Variants in MYO10 observed in about 807,000 individuals in gnomAD.
MYO10 encodes myosin X, also known as unconventional myosin-X.
A neutral mutation model predicts 257.3 loss-of-function variants in MYO10; 133 were observed. The observed-to-expected ratio is 0.52, with a 90% CI of 0.45 to 0.60. MYO10 has a LOEUF of 0.60. Among genes scored for constraint, MYO10 ranks in the 20% least tolerant of loss-of-function variants. The probability of loss-of-function intolerance (pLI) is 0.00; values close to 1 mark genes in which losing one functional copy is unlikely to be tolerated. For synonymous variants in MYO10, 1,104 were observed against 1,028.6 expected, an observed-to-expected ratio of 1.07 and a Z score of -1.40; for missense variants, 2,399 against 2,635.7, an observed-to-expected ratio of 0.91 and a Z score of 1.97.
rs192306314 is a variant in MYO10, at chr5:16,900,460, C to T, written c.22-22753G>A. Among the ~76,000 whole-genome samples the T allele has an allele frequency of 2.9e-3, 435 of 152,242 alleles. 1 individual carries two copies. The highest frequency in any genetic ancestry group is 4.4e-3 in the Non-Finnish European group (297 of 68,014). On this transcript the variant is annotated intron_variant, in intron 1 of 40. Transcript: ENST00000513610. ...AACAGAGAAAAAAACTACCCTGGAACCTAGAATGTGACAGGTCTGAAGACT... is the reference window on the plus strand; with the variant it reads ...AACAGAGAAAAAAACTACCCTGGAATCTAGAATGTGACAGGTCTGAAGACT...
intron 19 of MYO10, among the ~76,000 whole-genome samples, chr5:16,716,810 C>CA (rs1738895296): frequency 6.6e-6 from 1 of 151,938 alleles, no homozygotes; most frequent in African/African-American, 2.4e-5. Context: ...ATTAGGAAGG[C>CA]AAAATGACTT....
chr5:16,753,767 G>A (rs1386862278), intron 19 of MYO10, among the ~76,000 whole-genome samples: 2 of 151,990 alleles, frequency 1.3e-5, no homozygotes, highest in East Asian at 1.9e-4. Context: ...CACCATGCCC[G>A]GCTACTGTGG....
In MYO10 at chr5:16,829,689, G is replaced by A. The variant is rs1408538884; in HGVS notation, c.121-11522C>T. ...AGTCAAGAAGTCTGAAACATCCAGG[G>A]GCTAGTGTGCCAGCAGCACATCTGC... is the stretch of plus-strand genomic sequence containing the variant. On this transcript the variant is annotated intron_variant, in intron 2 of 40. Transcript: ENST00000513610. Among the ~76,000 whole-genome samples the A allele has an allele frequency of 2.6e-5, 4 of 152,092 alleles. No homozygotes were observed. In the South Asian group the frequency reaches 6.2e-4, roughly 24 times the overall value.
At chr5:16,821,796 G>A (rs1227446999) in intron 2 of MYO10, among the ~76,000 whole-genome samples, 1 of 151,822 alleles carries the variant, frequency 6.6e-6, no homozygotes, top group Admixed American at 6.6e-5. Flanking sequence ...AGCACATTAC[G>A]CATGCCCATT....
chr5:16,867,634 G>A (rs1364495002), intron 2 of MYO10, among the ~76,000 whole-genome samples: 3 of 152,170 alleles, frequency 2.0e-5, no homozygotes, highest in Non-Finnish European at 4.4e-5. Context: ...AAACCAGAGA[G>A]TCAAACCAAA....
chr5:16,702,630 C>T (rs1289725787), intron 23 of MYO10, 42 bp from the exon 24 acceptor site: 2 of 1,530,982 alleles, frequency 1.3e-6, no homozygotes, highest in South Asian at 2.4e-5. Context: ...CAACAATAAC[C>T]CTGGAACCAC....
intron 19 of MYO10, among the ~76,000 whole-genome samples, chr5:16,747,201 T>G (rs1262431570): frequency 6.6e-6 from 1 of 152,102 alleles, no homozygotes; most frequent in Non-Finnish European, 1.5e-5. Context: ...CGAAGGAGCA[T>G]GTCAGCATAA....
chr5:16,914,758 G>A (rs1301995768), intron 1 of MYO10, among the ~76,000 whole-genome samples: 5 of 152,096 alleles, frequency 3.3e-5, no homozygotes, highest in Admixed American at 1.3e-4. Flanking sequence ...CCTTGGAACC[G>A]GCAAGCCACC....
At chr5:16,738,890 C>CAAAA (rs36039787) in intron 19 of MYO10, among the ~76,000 whole-genome samples, 2 of 74,192 alleles carry the variant, frequency 2.7e-5, no homozygotes, top group African/African-American at 1.1e-4. Context: ...GACTCCATCT[C>CAAAA]AAAAAAAAAA....
intron 1 of MYO10, among the ~76,000 whole-genome samples, chr5:16,922,666 G>C (rs890272070): frequency 9.9e-5 from 15 of 152,172 alleles, no homozygotes; most frequent in Non-Finnish European, 2.1e-4. Context: ...AAGTGTTCAT[G>C]TATCTACTCT....
chr5:16,844,547 C>A (rs1415162442), intron 2 of MYO10, among the ~76,000 whole-genome samples: 1 of 151,926 alleles, frequency 6.6e-6, no homozygotes, highest in Non-Finnish European at 1.5e-5. Context: ...TCTACCAGAA[C>A]TGAATGGTTG....
intron 9 of MYO10, 36 bp downstream of exon 9, chr5:16,779,509 A>C (rs1207310785): frequency 7.9e-7 from 1 of 1,260,402 alleles, no homozygotes; most frequent in Admixed American, 2.6e-5. Flanking sequence ...AAGGTATCTG[A>C]TATCTTAATA....
intron 2 of MYO10, among the ~76,000 whole-genome samples, chr5:16,874,026 A>C (rs1329860722): frequency 6.6e-6 from 1 of 152,054 alleles, no homozygotes; most frequent in African/African-American, 2.4e-5. Context: ...AGCCAGCTTG[A>C]ATTTCTCCCC....
intron 2 of MYO10, among the ~76,000 whole-genome samples, chr5:16,841,920 CATA>C (rs1487750801): frequency 2.1e-5 from 3 of 145,370 alleles, no homozygotes; most frequent in Non-Finnish European, 3.0e-5. Context: ...CAGGCAAAGC[CATA>C]ATATTTCCTG....
intron 1 of MYO10, among the ~76,000 whole-genome samples, chr5:16,895,536 C>T (rs554177321): frequency 6.6e-6 from 1 of 152,028 alleles, no homozygotes; most frequent in Non-Finnish European, 1.5e-5. Flanking sequence ...TCCCCTATCT[C>T]GTTCCCAGGA....
intron 19 of MYO10, among the ~76,000 whole-genome samples, chr5:16,728,616 C>A (rs1368304799): frequency 6.6e-6 from 1 of 152,246 alleles, no homozygotes; most frequent in East Asian, 1.9e-4. Flanking sequence ...TGTACCAAGG[C>A]TTTCCATGAG....
At chr5:16,861,399 C>T (rs924913876) in intron 2 of MYO10, among the ~76,000 whole-genome samples, 1 of 151,862 alleles carries the variant, frequency 6.6e-6, no homozygotes, top group African/African-American at 2.4e-5. Flanking sequence ...AATCCTGTCT[C>T]TACAAAAATA....
chr5:16,711,317 GCCA>G, intron 19 of MYO10, 72 bp from the exon 20 acceptor site: 1 of 1,476,086 alleles, frequency 6.8e-7, no homozygotes, highest in Non-Finnish European at 9.2e-7. Context: ...GCTTAATAAA[GCCA>G]CCTCCATCAT....
intron 3 of MYO10, among the ~76,000 whole-genome samples, chr5:16,812,073 T>C (rs1197054946): frequency 1.3e-5 from 2 of 151,978 alleles, no homozygotes; most frequent in African/African-American, 4.8e-5. Context: ...AAGGGGACAA[T>C]CAGGAGAGAG....
Sources: gnomAD v4.1 joint callset for allele counts (sites outside exome capture counted in the v4.1 genomes callset) on GRCh38, gnomAD v4.1.1 for gene constraint, MANE v1.5 for transcripts, NCBI Gene and HGNC (gene_info 2026-07-23, HGNC 2026-07-21) for gene names.